CRHR2: variants seen among roughly 807,000 people sequenced by gnomAD.
The protein encoded by CRHR2 is corticotropin releasing hormone receptor 2, also known as corticotropin-releasing hormone receptor 2.
CRHR2 carries 53 observed loss-of-function variants against 57.9 expected under a neutral mutation model. That is an observed-to-expected ratio of 0.92 (90% CI 0.73 to 1.15). The LOEUF is 1.15. Among genes scored for constraint, CRHR2 ranks in the 50% most tolerant of loss-of-function variants. CRHR2 has a pLI of 0.00. For synonymous variants in CRHR2, 213 were observed against 220.9 expected, an observed-to-expected ratio of 0.96 and a Z score of 0.32; for missense variants, 532 against 542.6, an observed-to-expected ratio of 0.98 and a Z score of 0.19.
In CRHR2 at chr7:30,665,623, A is replaced by G. The variant is rs1483821389; in HGVS notation, c.332T>C (p.Leu111Pro). The G allele has an allele frequency of 1.3e-6, 2 of 1,558,296 alleles. No homozygotes were observed. The highest frequency in any genetic ancestry group is 1.7e-6 in the Non-Finnish European group (2 of 1,150,242). The change falls in exon 4 of 12, where the codon CTG (leucine) becomes CCG (proline). Residue 111 changes from leucine (L) to proline (P), a missense_variant. Physicochemically the swap from Leu to Pro is moderately conservative, Grantham distance 98 (BLOSUM62 -3). Transcript: ENST00000471646. The surrounding 1 kb of genome is among the most constrained non-coding windows in gnomAD (Gnocchi z 4.5). ...ILDDKQRKYDLHYRIALVVNY... is the reference protein window; with the variant it reads ...ILDDKQRKYDPHYRIALVVNY... ...GACGACAAGGGCGATGCGGTAGTGC[A>G]GGTCATACTTCCTCTGCTGGACAGA...
chr7:30,696,895 G>T (rs1785067714), intron 1 of CRHR2, among the ~76,000 whole-genome samples: 1 of 152,094 alleles, frequency 6.6e-6, no homozygotes, highest in Non-Finnish European at 1.5e-5. Context: ...GCAAATTTGA[G>T]ATTTAGGAGG....
intron 2 of CRHR2, among the ~76,000 whole-genome samples, chr7:30,669,154 T>G (rs939033511): frequency 2.0e-5 from 3 of 152,198 alleles, no homozygotes; most frequent in African/African-American, 7.2e-5. Flanking sequence ...CTGCCTGTGC[T>G]TCAAAGGGCA....
chr7:30,655,905 G>A (rs373144374), intron 9 of CRHR2, 22 bp downstream of exon 9: 1 of 1,612,838 alleles, frequency 6.2e-7, no homozygotes, highest in South Asian at 1.1e-5. Context: ...CCATTGTGGG[G>A]TCAAGGGACC....
At chr7:30,672,245 C>T (rs1402168234) in intron 2 of CRHR2, among the ~76,000 whole-genome samples, 1 of 152,236 alleles carries the variant, frequency 6.6e-6, no homozygotes, top group Admixed American at 6.5e-5. Flanking sequence ...AAGGGTCCAG[C>T]TGCTTGTGAC....
Position 30,656,095 on chromosome 7 carries a change from C to T in CRHR2, c.832-83G>A. The T allele has an allele frequency of 7.5e-7, 1 of 1,334,304 alleles. No homozygotes were observed. The highest frequency in any genetic ancestry group is 1.1e-6 in the Non-Finnish European group (1 of 935,238). 82.7% of individuals were successfully genotyped at this position (1,334,304 alleles called of 1,614,324 possible). ...AGCCGAGAGGCAGCCCCCTTCCCCGCAGACCCCTGGAAACCGATGTCCCAC... is the reference window on the plus strand; with the variant it reads ...AGCCGAGAGGCAGCCCCCTTCCCCGTAGACCCCTGGAAACCGATGTCCCAC... On this transcript the variant is annotated intron_variant, in intron 8 of 11. Coordinates refer to ENST00000471646, the MANE Select transcript of CRHR2 (RefSeq NM_001883.5). This position sits in a 1 kb window ranked among gnomAD's most constrained non-coding sequence, Gnocchi z 4.4.
chr7:30,665,283 G>A lies in CRHR2; in HGVS notation c.426-96C>T. ...GGTAGAGACTCAGCCTGGGATGAGGGCAGGGCTGCACTAGGAGCCACTTCC... is the reference window on the plus strand; with the variant it reads ...GGTAGAGACTCAGCCTGGGATGAGGACAGGGCTGCACTAGGAGCCACTTCC... On this transcript the variant is annotated intron_variant, in intron 4 of 11. Coordinates refer to ENST00000471646, the MANE Select transcript of CRHR2 (RefSeq NM_001883.5). The surrounding 1 kb of genome is among the most constrained non-coding windows in gnomAD (Gnocchi z 4.5). The A allele has an allele frequency of 9.0e-7, 1 of 1,107,984 alleles. No individual in the cohort carries two copies. Among genetic ancestry groups the A allele is most frequent in the Non-Finnish European group, 1.4e-6 (1 of 738,082 alleles). The allele number at this position is 1,107,984 out of a possible 1,614,324, so 68.6% of individuals were successfully genotyped here.
chr7:30,665,620 T>C lies in CRHR2; in HGVS notation c.335A>G (p.His112Arg). The change falls in exon 4 of 12, where the codon CAC (histidine) becomes CGC (arginine). Residue 112 changes from histidine (H) to arginine (R), a missense_variant. Transcript: ENST00000471646. The surrounding 1 kb of genome is among the most constrained non-coding windows in gnomAD (Gnocchi z 4.5). Reference protein sequence around the residue: ...LDDKQRKYDLHYRIALVVNYL... With the variant: ...LDDKQRKYDLRYRIALVVNYL... ...GTTGACGACAAGGGCGATGCGGTAG[T>C]GCAGGTCATACTTCCTCTGCTGGAC... 1 of 1,558,984 alleles carries C rather than the reference T, an allele frequency of 6.4e-7. No homozygotes were observed. The highest frequency in any genetic ancestry group is 8.7e-7 in the Non-Finnish European group (1 of 1,150,602).
upstream of CRHR2, among the ~76,000 whole-genome samples, chr7:30,683,913 G>A (rs1784803347): frequency 6.6e-6 from 1 of 152,056 alleles, no homozygotes; most frequent in African/African-American, 2.4e-5. Context: ...AGGCAAAGCA[G>A]CAGGCAGGCT....
intron 7 of CRHR2, 146 bp downstream of exon 7, chr7:30,662,010 T>A: frequency 1.3e-6 from 1 of 794,432 alleles, no homozygotes; most frequent in Non-Finnish European, 2.0e-6. Flanking sequence ...GGACTATTTT[T>A]TTCAATTTAA....
intron 2 of CRHR2, among the ~76,000 whole-genome samples, chr7:30,674,173 G>C (rs1238618975): frequency 6.6e-6 from 1 of 152,190 alleles, no homozygotes; most frequent in African/African-American, 2.4e-5. Context: ...CTGAGTCATA[G>C]AGGCACTGAG....
intron 5 of CRHR2, among the ~76,000 whole-genome samples, chr7:30,663,674 T>A (rs567393932): frequency 2.0e-5 from 3 of 152,320 alleles, no homozygotes; most frequent in Non-Finnish European, 2.9e-5. Context: ...CCTGCCCCTT[T>A]AGAGCCACGC....
chr7:30,680,079 C>G (rs1380817969), intron 2 of CRHR2, among the ~76,000 whole-genome samples: 1 of 152,240 alleles, frequency 6.6e-6, no homozygotes, highest in Non-Finnish European at 1.5e-5. Context: ...TCTCATTAGA[C>G]TTAATTGATA....
chr7:30,670,179 C>A (rs1313336141), intron 2 of CRHR2, among the ~76,000 whole-genome samples: 1 of 152,150 alleles, frequency 6.6e-6, no homozygotes, highest in Non-Finnish European at 1.5e-5. Context: ...TCCTTTCCAG[C>A]CTATTCTAAT....
chr7:30,669,078 G>A (rs1784278221), intron 2 of CRHR2, among the ~76,000 whole-genome samples: 1 of 152,222 alleles, frequency 6.6e-6, no homozygotes, highest in Admixed American at 6.5e-5. Context: ...GAAATGAACA[G>A]TCCCTCCCTG....
Position 30,665,464 on chromosome 7 carries a change from G to T in CRHR2, c.425+66C>A. 1 of 1,327,940 alleles carries T rather than the reference G, an allele frequency of 7.5e-7. No homozygotes were observed. The highest frequency in any genetic ancestry group is 1.1e-6 in the Non-Finnish European group (1 of 947,632). The allele number at this position is 1,327,940 out of a possible 1,614,324, so 82.3% of individuals were successfully genotyped here. ...CCCAGAATGGAGGTGAGAATGTCTG[G>T]GAGAGGTGAAGGGGGTGCTGTAGGG... On this transcript the variant is annotated intron_variant, in intron 4 of 11. Coordinates refer to ENST00000471646, the MANE Select transcript of CRHR2 (RefSeq NM_001883.5). This position sits in a 1 kb window ranked among gnomAD's most constrained non-coding sequence, Gnocchi z 4.5.
chr7:30,698,643 A>G (rs1330941147), intron 1 of CRHR2, among the ~76,000 whole-genome samples: 1 of 152,182 alleles, frequency 6.6e-6, no homozygotes, highest in Non-Finnish European at 1.5e-5. Flanking sequence ...CACTGACCAC[A>G]GCTCAGCATA....
intron 7 of CRHR2, 120 bp downstream of exon 7, chr7:30,662,036 G>A: frequency 1.0e-6 from 1 of 995,124 alleles, no homozygotes; most frequent in Non-Finnish European, 1.5e-6. Flanking sequence ...ACAGGAACGT[G>A]GATCTGTCTA....
chr7:30,689,106 G>T, intron 2 of CRHR2: 5 of 1,242,040 alleles, frequency 4.0e-6, no homozygotes, highest in Non-Finnish European at 5.7e-6. Context: ...CTGAGCCTGG[G>T]CTGGCCCCAG....
intron 1 of CRHR2, chr7:30,689,378 T>C: frequency 9.9e-7 from 1 of 1,007,092 alleles, no homozygotes; most frequent in Admixed American, 2.0e-5. Context: ...ACTCATCCCT[T>C]ACTCCTCTTA....
Sources: allele counts gnomAD v4.1 joint callset (sites outside exome capture counted in the v4.1 genomes callset), GRCh38; gene constraint gnomAD v4.1.1; non-coding constraint Gnocchi (gnomAD v3.1); transcripts MANE v1.5; gene names NCBI Gene and HGNC (gene_info 2026-07-23, HGNC 2026-07-21).